The following ZFAND2A variants were observed in gnomAD, a reference collection of about 807,000 sequenced individuals.
The protein encoded by ZFAND2A is AN1-type zinc finger protein 2A.
ZFAND2A carries 20 observed loss-of-function variants against 11.6 expected under a neutral mutation model. The observed-to-expected ratio is 1.72, with a 90% CI of 1.21 to 2.50. ZFAND2A has a LOEUF of 2.50. Ranked by LOEUF, ZFAND2A falls within the 30% of genes most tolerant of loss-of-function variation. The pLI, the probability that ZFAND2A is intolerant of heterozygous loss-of-function variation, is 0.00. For synonymous variants in ZFAND2A, 93 were observed against 60.6 expected (o/e 1.54, Z -2.48); for missense variants, 234 against 182.9 (o/e 1.28, Z -1.61).
rs748052528 is a variant in ZFAND2A at position 1,152,928 on chromosome 7, A to G, written c.*141T>C. 1.7e-6 allele frequency: 2 copies of G among 1,199,162 alleles called. No homozygotes were observed. The highest frequency in any genetic ancestry group is 1.3e-5 in the South Asian group (1 of 76,608). 74.3% of individuals were successfully genotyped at this position (1,199,162 alleles called of 1,614,324 possible). The stretch of plus-strand genomic sequence containing the variant: ...AGAATCAACTTCAGCATTCAATTTT[A>G]TTATAGTCCCATCTCCCTCAACAAA... On this transcript the variant is annotated 3_prime_UTR_variant, in exon 5 of 5. Transcript: ENST00000316495.
chr7:1,157,431 C>G (rs1793555005), intron 3 of ZFAND2A: 2 of 403,696 alleles, frequency 5.0e-6, no homozygotes, highest in South Asian at 8.1e-5. Context: ...AATAAGATCT[C>G]AGTTGTCTGA....
Position 1,160,076 on chromosome 7 carries a change from A to G in ZFAND2A, c.-158T>C, listed in dbSNP as rs1793652020. The G allele has an allele frequency of 6.5e-6, 1 of 153,030 alleles. No homozygotes were observed. The highest frequency in any genetic ancestry group is 1.5e-5 in the Non-Finnish European group (1 of 68,330). 9.5% of individuals were successfully genotyped at this position (153,030 alleles called of 1,614,324 possible). On this transcript the variant is annotated 5_prime_UTR_variant, in exon 1 of 5. Coordinates refer to ENST00000316495, the MANE Select transcript of ZFAND2A (RefSeq NM_182491.4). ...GGGTAGCTAAGCAGAAAGAACCTCG[A>G]CACTGGCACCGAGACGCCGTCGGAG...
intron 2 of ZFAND2A, 64 bp downstream of exon 2, chr7:1,158,094 A>G (rs1016074306): frequency 7.3e-6 from 11 of 1,504,162 alleles, no homozygotes; most frequent in South Asian, 2.3e-5. Flanking sequence ...CAGCTAATTA[A>G]CAGAACAGCC....
At chr7:1,157,621 G>A in intron 3 of ZFAND2A, 35 bp downstream of exon 3, 4 of 1,560,512 alleles carry the variant, frequency 2.6e-6, no homozygotes, top group Non-Finnish European at 3.5e-6. Context: ...TTCAGACGGT[G>A]AAGATGAGAA....
intron 2 of ZFAND2A, 52 bp downstream of exon 2, chr7:1,158,106 G>C: frequency 1.3e-6 from 2 of 1,557,466 alleles, no homozygotes; most frequent in Non-Finnish European, 1.8e-6. Context: ...AGAACAGCCA[G>C]CTTTCCCCCA....
At chr7:1,157,573 C>G (rs577449307) in intron 3 of ZFAND2A, 83 bp downstream of exon 3, 3 of 1,310,562 alleles carry the variant, frequency 2.3e-6, no homozygotes, top group East Asian at 5.1e-5. Context: ...GTTAGCCATA[C>G]GTCGCTAGTC....
chr7:1,160,060 A>C lies in ZFAND2A; in HGVS notation c.-142T>G, dbSNP rs917532096. 5 of 153,332 alleles carry C rather than the reference A, an allele frequency of 3.3e-5. No homozygotes were observed. The highest frequency in any genetic ancestry group is 5.8e-5 in the Non-Finnish European group (4 of 68,420). 9.5% of individuals were successfully genotyped at this position (153,332 alleles called of 1,614,324 possible). On this transcript the variant is annotated 5_prime_UTR_variant, in exon 1 of 5. Coordinates refer to ENST00000316495, the MANE Select transcript of ZFAND2A (RefSeq NM_182491.4). ...CTCCGTAGTCGGCTCCGGGTAGCTA[A>C]GCAGAAAGAACCTCGACACTGGCAC...
At chr7:1,154,742 C>T (rs541426597) in intron 4 of ZFAND2A, among the ~76,000 whole-genome samples, 1 of 152,286 alleles carries the variant, frequency 6.6e-6, no homozygotes, top group South Asian at 2.1e-4. Context: ...AAGTATTGAA[C>T]ATCATATACT....
rs906252793 is a variant in ZFAND2A, at chr7:1,155,384, C to T, written c.282+69G>A. 8.2e-6 allele frequency: 13 copies of T among 1,578,264 alleles called. No individual in the cohort carries two copies. In the African/African-American group the frequency reaches 1.8e-4, roughly 22 times the overall value. On this transcript the variant is annotated intron_variant, in intron 4 of 4. Coordinates refer to ENST00000316495, the MANE Select transcript of ZFAND2A (RefSeq NM_182491.4). The stretch of plus-strand genomic sequence containing the variant: ...ACTATTGGGAGTAATTTTCAGGTAG[C>T]AAACTGACTCTTCCCAAGGAAAAAC...
chr7:1,156,157 G>A (rs1793523381), intron 3 of ZFAND2A, among the ~76,000 whole-genome samples: 1 of 130,062 alleles, frequency 7.7e-6, no homozygotes, highest in East Asian at 2.3e-4. Flanking sequence ...CGAAGGGGTG[G>A]ACTGCCCAGC....
At chr7:1,149,915 C>T (rs542416412), downstream of ZFAND2A, among the ~76,000 whole-genome samples, 3 of 150,626 alleles carry the variant, frequency 2.0e-5, no homozygotes, top group South Asian at 6.3e-4. Flanking sequence ...TGCAATGGCA[C>T]GATCTCTGCT....
At chr7:1,149,212 C>G (rs1052558556), downstream of ZFAND2A, among the ~76,000 whole-genome samples, 1 of 152,222 alleles carries the variant, frequency 6.6e-6, no homozygotes, top group Non-Finnish European at 1.5e-5. Flanking sequence ...TTCACACACC[C>G]AGGTTCCTAA....
At position 1,159,672 on chromosome 7, in the gene ZFAND2A, G is replaced by A. The variant is rs56282351; in HGVS notation, c.-46+292C>T. Reference sequence around the variant, plus strand: ...GGCCCGGTCCCCAGCAGACAGGCCGGACCCCCAGCAGCCAGACCCCGGCAG... The same window carrying A: ...GGCCCGGTCCCCAGCAGACAGGCCGAACCCCCAGCAGCCAGACCCCGGCAG... On this transcript the variant is annotated intron_variant, in intron 1 of 4. Transcript: ENST00000316495. Among the ~76,000 whole-genome samples the A allele has an allele frequency of 3.7e-5, 2 of 54,218 alleles. 1 individual carries two copies. Among genetic ancestry groups the A allele is most frequent in the Non-Finnish European group, 8.0e-5 (2 of 25,072 alleles). The allele number at this position is 54,218 out of a possible 152,430, so 35.6% of individuals were successfully genotyped here. A position where few individuals can be genotyped will look rare whatever the true frequency, so the allele number is the denominator to read the frequency against.
At position 1,159,479 on chromosome 7, in the gene ZFAND2A, C is replaced by T. The variant is rs1360902879; in HGVS notation, c.-46+485G>A. Among the ~76,000 whole-genome samples, 66 of 149,322 alleles carry T rather than the reference C, an allele frequency of 4.4e-4. 1 individual carries two copies. The highest frequency in any genetic ancestry group is 3.6e-4 in the Non-Finnish European group (24 of 67,168). On this transcript the variant is annotated intron_variant, in intron 1 of 4. Transcript: ENST00000316495. Reference sequence around the variant, plus strand: ...ACTCCCAGCAGACAGGCCGGACCCCCAGCAGCCAGACCCCGGCAGGCCCGG... The same window carrying T: ...ACTCCCAGCAGACAGGCCGGACCCCTAGCAGCCAGACCCCGGCAGGCCCGG...
In ZFAND2A at chr7:1,155,462, C is replaced by T; in HGVS notation, c.273G>A (p.Lys91=). The T allele has an allele frequency of 6.2e-7, 1 of 1,613,644 alleles. No homozygotes were observed. The highest frequency in any genetic ancestry group is 8.5e-7 in the Non-Finnish European group (1 of 1,179,740). Residue 91 remains lysine, a synonymous_variant, in exon 4 of 5, where the codon AAG becomes AAA. Coordinates refer to ENST00000316495, the MANE Select transcript of ZFAND2A (RefSeq NM_182491.4). Reference sequence around the variant, plus strand: ...CGGGCTCTGTCCTTACCTTCTCTTTCTTCTTCCCAGGGTGAGAGTCACAGT... The same window carrying T: ...CGGGCTCTGTCCTTACCTTCTCTTTTTTCTTCCCAGGGTGAGAGTCACAGT... ...DRDCDSHPGK[K]KEKIFTYRCS... is the part of the protein sequence containing the mutation.
intron 4 of ZFAND2A, among the ~76,000 whole-genome samples, chr7:1,154,182 CA>C (rs1422426967): frequency 0.012 from 1,707 of 139,920 alleles, 27 homozygotes; most frequent in African/African-American, 0.043. Context: ...ACCCACCGGT[CA>C]TTTTTTTTTT....
chr7:1,156,670 A>G (rs561706798), intron 3 of ZFAND2A, among the ~76,000 whole-genome samples: 3 of 152,398 alleles, frequency 2.0e-5, no homozygotes, highest in South Asian at 4.1e-4. Flanking sequence ...AAGGTCAATG[A>G]GAAAACCGAG....
At chr7:1,159,527 C>T in intron 1 of ZFAND2A, among the ~76,000 whole-genome samples, 1 of 135,312 alleles carries the variant, frequency 7.4e-6, no homozygotes, top group African/African-American at 2.8e-5. Flanking sequence ...AGCCGGACCC[C>T]CAACAGCCAG....
rs758204057 is a variant in ZFAND2A, at chr7:1,158,138, A to C, written c.55+20T>G. 22 of 1,610,834 alleles carry C rather than the reference A, an allele frequency of 1.4e-5. No homozygotes were observed. The highest frequency in any genetic ancestry group is 1.8e-5 in the Non-Finnish European group (21 of 1,178,164). On this transcript the variant is annotated intron_variant, in intron 2 of 4. Transcript: ENST00000316495. ...CCCAACAAAATACCATTTTCTATTA[A>C]GTCTCTTAAAAGTACTCACCTAGCT...
Sources: allele counts gnomAD v4.1 joint callset (sites outside exome capture counted in the v4.1 genomes callset), GRCh38; gene constraint gnomAD v4.1.1; transcripts MANE v1.5; gene names NCBI Gene and HGNC (gene_info 2026-07-23, HGNC 2026-07-21).